The following PTPRD variants were observed in gnomAD, a reference collection of about 807,000 sequenced individuals.
PTPRD encodes the protein receptor-type tyrosine-protein phosphatase delta.
PTPRD carries 34 observed loss-of-function variants against 214.5 expected under a neutral mutation model. The observed-to-expected ratio is 0.16, with a 90% CI of 0.12 to 0.21. The LOEUF (loss-of-function observed/expected upper bound fraction) is 0.21. Ranked by LOEUF, PTPRD falls within the 10% of genes least tolerant of loss-of-function variation. The pLI is 1.00. For missense variants in PTPRD, 2,545 were observed against 2,398.7 expected (o/e 1.06, Z -1.27); for synonymous variants, 1,128 against 845.7 (o/e 1.33, Z -5.79).
chr9:8,716,506 G>C (rs955674205), intron 12 of PTPRD, among the ~76,000 whole-genome samples: 1 of 150,934 alleles, frequency 6.6e-6, no homozygotes, highest in African/African-American at 2.5e-5. Context: ...CTGGTATTGA[G>C]AAATTTTATT....
intron 8 of PTPRD, among the ~76,000 whole-genome samples, chr9:9,442,818 C>A (rs1472616332): frequency 6.6e-6 from 1 of 152,038 alleles, no homozygotes; most frequent in African/African-American, 2.4e-5. Context: ...GTGTTTTACC[C>A]TAAACATGAC....
chr9:9,853,539 GT>G (rs533529224), intron 5 of PTPRD, among the ~76,000 whole-genome samples: 15 of 151,450 alleles, frequency 9.9e-5, no homozygotes, highest in East Asian at 5.8e-4. Context: ...ATTTTTAAGG[GT>G]TTTTTTTGTT....
chr9:9,130,921 C>T (rs1015195157), intron 10 of PTPRD, among the ~76,000 whole-genome samples: 3 of 152,052 alleles, frequency 2.0e-5, no homozygotes, highest in Non-Finnish European at 2.9e-5. Context: ...TTAATGGATC[C>T]TATGACGAAC....
chr9:10,017,043 AAAATATC>A (rs2096732855), intron 4 of PTPRD, among the ~76,000 whole-genome samples: 1 of 152,194 alleles, frequency 6.6e-6, no homozygotes, highest in South Asian at 2.1e-4. Context: ...GTCTCATAAG[AAAATATC>A]AAATTGTTTT....
intron 9 of PTPRD, among the ~76,000 whole-genome samples, chr9:9,356,755 C>G (rs938384217): frequency 1.3e-5 from 2 of 151,348 alleles, no homozygotes; most frequent in South Asian, 2.1e-4. Context: ...AAAGACAATA[C>G]TCCCTCTAGG....
At chr9:9,566,124 A>G (rs1361340386) in intron 8 of PTPRD, among the ~76,000 whole-genome samples, 1 of 151,866 alleles carries the variant, frequency 6.6e-6, no homozygotes, top group Non-Finnish European at 1.5e-5. Context: ...TGGTGTATAT[A>G]TATTTTTTTC....
chr9:9,953,523 C>T (rs1045328406), intron 4 of PTPRD, among the ~76,000 whole-genome samples: 1 of 150,442 alleles, frequency 6.6e-6, no homozygotes, highest in Non-Finnish European at 1.5e-5. Context: ...CACACACACA[C>T]ATACATACAC....
At chr9:9,322,782 T>C (rs1481171244) in intron 9 of PTPRD, among the ~76,000 whole-genome samples, 5 of 152,132 alleles carry the variant, frequency 3.3e-5, no homozygotes, top group African/African-American at 1.2e-4. Context: ...TGTACTTTTG[T>C]TGAGGTGAAA....
intron 4 of PTPRD, among the ~76,000 whole-genome samples, chr9:9,953,517 CACACACAT>C (rs1217163583): frequency 2.0e-5 from 3 of 151,978 alleles, no homozygotes; most frequent in African/African-American, 7.3e-5. Context: ...CACACACACA[CACACACAT>C]ACATACACAC....
intron 14 of PTPRD, among the ~76,000 whole-genome samples, chr9:8,610,012 G>C (rs2095386031): frequency 6.6e-6 from 1 of 152,124 alleles, no homozygotes; most frequent in Admixed American, 6.5e-5. Context: ...AGTAAAGTGG[G>C]AGAACTAATT....
At chr9:8,705,658 T>G (rs1355343718) in intron 12 of PTPRD, among the ~76,000 whole-genome samples, 13 of 152,134 alleles carry the variant, frequency 8.5e-5, no homozygotes, top group Non-Finnish European at 1.8e-4. Context: ...CATAACAAAT[T>G]GAGAATAAAA....
At chr9:8,872,650 T>A (rs2098322957) in intron 11 of PTPRD, among the ~76,000 whole-genome samples, 1 of 152,234 alleles carries the variant, frequency 6.6e-6, no homozygotes, top group Admixed American at 6.5e-5. Context: ...TTTATGTAAA[T>A]CTGGTTGATG....
In PTPRD at chr9:9,431,333, A is replaced by G. The variant is rs908854870; in HGVS notation, c.-236-33851T>C. ...CATCATCACTGGCCATCAGAGAAAT[A>G]CAAATCAAAACCACAATGAGATACC... On this transcript the variant is annotated intron_variant, in intron 8 of 45. Transcript: ENST00000381196. Among the ~76,000 whole-genome samples the G allele has an allele frequency of 4.6e-5, 7 of 152,194 alleles. No individual in the cohort carries two copies. In the East Asian group the frequency reaches 5.8e-4, roughly 13 times the overall value.
chr9:9,942,240 TA>T (rs948161303), intron 4 of PTPRD, among the ~76,000 whole-genome samples: 2 of 152,110 alleles, frequency 1.3e-5, no homozygotes, highest in African/African-American at 4.8e-5. Context: ...CCACCTCCTT[TA>T]AAAAAATTCA....
At chr9:9,009,232 A>G (rs1246939995) in intron 11 of PTPRD, among the ~76,000 whole-genome samples, 1 of 152,146 alleles carries the variant, frequency 6.6e-6, no homozygotes, top group East Asian at 1.9e-4. Flanking sequence ...CTTACCAAAA[A>G]TTACCAGGAA....
intron 12 of PTPRD, among the ~76,000 whole-genome samples, chr9:8,721,121 G>T (rs921770150): frequency 6.6e-6 from 1 of 151,208 alleles, no homozygotes; most frequent in Admixed American, 6.6e-5. Flanking sequence ...GAACAAATGA[G>T]ATTAAGAAGA....
At position 8,317,591 on chromosome 9, in the gene PTPRD, T is replaced by C; in HGVS notation, c.*283A>G. ...GATGGTGGTTCTTTGCTGTGATTTC[T>C]TCTTCCCTTGATTTTGAATCCTTGA... On this transcript the variant is annotated 3_prime_UTR_variant, in exon 46 of 46. Transcript: ENST00000381196. The C allele has an allele frequency of 3.1e-6, 1 of 324,578 alleles. No homozygotes were observed. The highest frequency in any genetic ancestry group is 5.9e-6 in the Non-Finnish European group (1 of 169,996). The allele number at this position is 324,578 out of a possible 1,614,324, so 20.1% of individuals were successfully genotyped here.
chr9:9,719,016 G>C (rs1190336717), intron 7 of PTPRD, among the ~76,000 whole-genome samples: 2 of 152,156 alleles, frequency 1.3e-5, no homozygotes, highest in Non-Finnish European at 2.9e-5. Context: ...TGCCAGTTTT[G>C]GGTGGAGTCA....
chr9:9,278,595 C>A (rs1440776117), intron 9 of PTPRD, among the ~76,000 whole-genome samples: 2 of 151,248 alleles, frequency 1.3e-5, no homozygotes, highest in African/African-American at 4.8e-5. Context: ...GGACCTCACT[C>A]TGAGTAGAGA....
Sources: allele counts gnomAD v4.1 joint callset (sites outside exome capture counted in the v4.1 genomes callset), GRCh38; gene constraint gnomAD v4.1.1; transcripts MANE v1.5; gene names NCBI Gene and HGNC (gene_info 2026-07-23, HGNC 2026-07-21).